The following DLG2 variants were observed in gnomAD, a reference collection of about 807,000 sequenced individuals.
DLG2 encodes the protein discs large MAGUK scaffold protein 2, also known as disks large homolog 2.
A neutral mutation model predicts 132.5 loss-of-function variants in DLG2; 45 were observed. The observed-to-expected ratio is 0.34, with a 90% CI of 0.27 to 0.44. DLG2 has a LOEUF of 0.44. DLG2 is among the 20% of genes least tolerant of loss of function. The pLI is 1.00. For missense variants in DLG2, 1,045 were observed against 1,196.9 expected (o/e 0.87, Z 1.87); for synonymous variants, 424 against 419.6 (o/e 1.01, Z -0.13).
intron 4 of DLG2, among the ~76,000 whole-genome samples, chr11:85,183,442 T>C (rs2079868986): frequency 6.6e-6 from 1 of 151,902 alleles, no homozygotes; most frequent in African/African-American, 2.4e-5. Flanking sequence ...ATTACTTTGC[T>C]ACACATGAAT....
chr11:84,524,786 T>C lies in DLG2; in HGVS notation c.519+9784A>G, dbSNP rs151299182. 4.6e-5 allele frequency among the ~76,000 whole-genome samples: 7 copies of C among 152,190 alleles called. No homozygotes were observed. The East Asian group carries it at 1.2e-3, about 25-fold the overall frequency. On this transcript the variant is annotated intron_variant, in intron 7 of 27. Coordinates refer to ENST00000376104, the MANE Select transcript of DLG2 (RefSeq NM_001142699.3). ...TGTCTAGAAAGGAAAAATAAACACA[T>C]TATTTTCAGTTGCTGGTCAGGGCCT...
chr11:83,599,176 A>G (rs2058109937), intron 19 of DLG2, among the ~76,000 whole-genome samples: 1 of 152,186 alleles, frequency 6.6e-6, no homozygotes, highest in Non-Finnish European at 1.5e-5. Flanking sequence ...AATTCTTTCA[A>G]TGGCTCTCTA....
chr11:85,204,201 AAAAG>A (rs762884813), intron 4 of DLG2, among the ~76,000 whole-genome samples: 47 of 152,210 alleles, frequency 3.1e-4, no homozygotes, highest in Admixed American at 1.2e-3. Flanking sequence ...TTAGACAAGG[AAAAG>A]AAATAAAGAG....
chr11:83,631,034 C>T (rs2063455415), intron 19 of DLG2, among the ~76,000 whole-genome samples: 1 of 152,042 alleles, frequency 6.6e-6, no homozygotes, highest in African/African-American at 2.4e-5. Flanking sequence ...TGACCGTGGT[C>T]CTATACAAGC....
chr11:84,454,494 T>A (rs2154482032), intron 7 of DLG2, among the ~76,000 whole-genome samples: 1 of 151,596 alleles, frequency 6.6e-6, no homozygotes, highest in African/African-American at 2.4e-5. Context: ...CTCCAAAGCA[T>A]TTAAGCAAGA....
chr11:84,057,597 G>C, intron 11 of DLG2, among the ~76,000 whole-genome samples: 1 of 151,984 alleles, frequency 6.6e-6, no homozygotes. Context: ...TGACCCATGA[G>C]GAATCTCTGA....
At chr11:84,736,874 G>C (rs1002679795) in intron 6 of DLG2, among the ~76,000 whole-genome samples, 2 of 151,842 alleles carry the variant, frequency 1.3e-5, no homozygotes, top group Admixed American at 1.3e-4. Context: ...TGATTATGCT[G>C]GTTAAAACAT....
chr11:84,956,203 C>G (rs76495002), intron 6 of DLG2, among the ~76,000 whole-genome samples: 2,119 of 152,276 alleles, frequency 0.014, 49 homozygotes, highest in African/African-American at 0.047. Context: ...CTGGCAATAA[C>G]TCAAGCAAAG....
chr11:85,424,301 G>A (rs1232022284), intron 3 of DLG2, among the ~76,000 whole-genome samples: 1 of 151,910 alleles, frequency 6.6e-6, no homozygotes, highest in Non-Finnish European at 1.5e-5. Flanking sequence ...TTCTTTTTTC[G>A]GGGGATCTGT....
At chr11:84,098,777 C>A in intron 10 of DLG2, 146 bp downstream of exon 10, 1 of 924,538 alleles carries the variant, frequency 1.1e-6, no homozygotes, top group African/African-American at 1.7e-5. Context: ...AGCAAAAGAT[C>A]TGCAAAGTCA....
intron 18 of DLG2, among the ~76,000 whole-genome samples, chr11:83,759,255 G>T (rs1242617713): frequency 1.3e-5 from 2 of 152,196 alleles, no homozygotes; most frequent in Non-Finnish European, 2.9e-5. Flanking sequence ...GGAAGGGCAG[G>T]TTGTATGAGT....
At chr11:83,876,908 C>CT (rs1207439481) in intron 15 of DLG2, among the ~76,000 whole-genome samples, 4 of 152,000 alleles carry the variant, frequency 2.6e-5, no homozygotes, top group African/African-American at 9.7e-5. Flanking sequence ...ACGTTACTTC[C>CT]TATGAAGATA....
intron 6 of DLG2, among the ~76,000 whole-genome samples, chr11:85,089,921 G>A (rs150155403): frequency 7.6e-4 from 115 of 152,208 alleles, no homozygotes; most frequent in African/African-American, 2.8e-3. Context: ...AAGTCAACAA[G>A]TGACAGATGT....
intron 3 of DLG2, among the ~76,000 whole-genome samples, chr11:85,355,873 T>C (rs1438899461): frequency 1.3e-5 from 2 of 152,178 alleles, no homozygotes; most frequent in Non-Finnish European, 2.9e-5. Context: ...AAAACAAAAT[T>C]GCTCAACTAG....
chr11:83,601,248 C>T (rs2058486744), intron 19 of DLG2, among the ~76,000 whole-genome samples: 1 of 152,116 alleles, frequency 6.6e-6, no homozygotes, highest in South Asian at 2.1e-4. Flanking sequence ...GCCAAGGGTC[C>T]TCAATGCCAT....
chr11:85,191,909 T>C (rs950875101), intron 4 of DLG2, among the ~76,000 whole-genome samples: 8 of 152,226 alleles, frequency 5.3e-5, no homozygotes, highest in Non-Finnish European at 1.0e-4. Flanking sequence ...CCTGGGCTTT[T>C]TGAGGCTCAG....
chr11:85,521,236 G>A (rs1001903491), intron 3 of DLG2, among the ~76,000 whole-genome samples: 7 of 152,182 alleles, frequency 4.6e-5, no homozygotes, highest in African/African-American at 1.4e-4. Flanking sequence ...CCCCCATGCT[G>A]TTCTTATGAT....
intron 15 of DLG2, among the ~76,000 whole-genome samples, chr11:83,886,127 T>G (rs2067804370): frequency 6.6e-6 from 1 of 152,098 alleles, no homozygotes; most frequent in South Asian, 2.1e-4. Context: ...GTGGACTAAA[T>G]GCTCCAATTA....
chr11:85,448,052 T>C (rs1424815458), intron 3 of DLG2, among the ~76,000 whole-genome samples: 1 of 152,192 alleles, frequency 6.6e-6, no homozygotes, highest in African/African-American at 2.4e-5. Flanking sequence ...TTATTTAGCA[T>C]TTCTTAGCCT....
Sources: allele counts gnomAD v4.1 joint callset (sites outside exome capture counted in the v4.1 genomes callset), GRCh38; gene constraint gnomAD v4.1.1; transcripts MANE v1.5; gene names NCBI Gene and HGNC (gene_info 2026-07-23, HGNC 2026-07-21).